Variants in AGBL4 observed in about 807,000 individuals in gnomAD.
The protein encoded by AGBL4 is cytosolic carboxypeptidase 6.
Under a neutral mutation model 66.4 loss-of-function variants are expected in AGBL4, and 58 were observed. The observed-to-expected ratio is 0.87, with a 90% CI of 0.71 to 1.09. AGBL4 has a LOEUF of 1.09. Among genes scored for constraint, AGBL4 ranks in the 50% least tolerant of loss-of-function variants. AGBL4 has a pLI of 0.00. For missense variants in AGBL4, 579 were observed against 631.0 expected, an observed-to-expected ratio of 0.92 and a Z score of 0.88; for synonymous variants, 234 against 222.9, an observed-to-expected ratio of 1.05 and a Z score of -0.44.
In AGBL4 at chr1:48,762,612, TTTTGTGTGTG is replaced by T. The variant is rs1218013544; in HGVS notation, c.635-99381_635-99372del. On this transcript the variant is annotated intron_variant, in intron 6 of 13. Transcript: ENST00000371839. Reference sequence around the variant, plus strand: ...GTTAGTTAAATCCAGTCTTTAAGGGTTTTGTGTGTGTGTGTGTGTGTGTGTGTGTGTGTGT... The same window carrying T: ...GTTAGTTAAATCCAGTCTTTAAGGGTTGTGTGTGTGTGTGTGTGTGTGTGT... 7.3e-3 allele frequency among the ~76,000 whole-genome samples: 934 copies of T among 127,982 alleles called. 16 individuals carry two copies. The highest frequency in any genetic ancestry group is 0.028 in the South Asian group (116 of 4,170). The allele number at this position is 127,982 out of a possible 152,430, so 84.0% of individuals were successfully genotyped here.
In AGBL4 at chr1:48,666,499, G is replaced by A. The variant is rs140930995; in HGVS notation, c.635-3258C>T. Among the ~76,000 whole-genome samples the A allele has an allele frequency of 2.5e-3, 377 of 152,314 alleles. 3 individuals carry two copies. The highest frequency in any genetic ancestry group is 0.01 in the Middle Eastern group (3 of 294). On this transcript the variant is annotated intron_variant, in intron 6 of 13. Transcript: ENST00000371839. ...AAACAGCAGGTGTTTGAAGTAACGT[G>A]CTTTGTGTGGCATCCTTAGCATGCA...
intron 1 of AGBL4, among the ~76,000 whole-genome samples, chr1:49,884,799 A>C (rs1270813998): frequency 1.3e-5 from 2 of 151,920 alleles, no homozygotes; most frequent in Admixed American, 1.3e-4. Context: ...ATGAATAATG[A>C]ATATTTAGCA....
At chr1:49,533,705 C>T (rs1019467869) in intron 3 of AGBL4, among the ~76,000 whole-genome samples, 4 of 152,132 alleles carry the variant, frequency 2.6e-5, no homozygotes, top group Non-Finnish European at 4.4e-5. Context: ...CTTGCTGACA[C>T]ATAATTCAGA....
At chr1:49,465,261 A>T (rs970523810) in intron 3 of AGBL4, among the ~76,000 whole-genome samples, 1 of 144,686 alleles carries the variant, frequency 6.9e-6, no homozygotes, top group Non-Finnish European at 1.5e-5. Context: ...ACACACACAC[A>T]CGCAGACATG....
chr1:49,998,541 T>C (rs6656051), intron 1 of AGBL4, among the ~76,000 whole-genome samples: 1,925 of 152,224 alleles, frequency 0.013, 40 homozygotes, highest in African/African-American at 0.045. Flanking sequence ...CTATTAACAC[T>C]TTTCCAAAAG....
intron 2 of AGBL4, among the ~76,000 whole-genome samples, chr1:49,829,366 T>C (rs985703142): frequency 6.6e-6 from 1 of 152,164 alleles, no homozygotes; most frequent in Admixed American, 6.5e-5. Flanking sequence ...GAAGATGTTG[T>C]AATCACAGCT....
At chr1:49,896,130 A>C (rs750656849) in intron 1 of AGBL4, among the ~76,000 whole-genome samples, 3 of 152,092 alleles carry the variant, frequency 2.0e-5, no homozygotes, top group Non-Finnish European at 4.4e-5. Flanking sequence ...CTGTAAGACA[A>C]GACAAAGAAA....
At chr1:48,670,028 G>A (rs1646252068) in intron 6 of AGBL4, among the ~76,000 whole-genome samples, 1 of 152,120 alleles carries the variant, frequency 6.6e-6, no homozygotes, top group Non-Finnish European at 1.5e-5. Context: ...TGGAAGAAGA[G>A]AACAGGAATT....
intron 3 of AGBL4, among the ~76,000 whole-genome samples, chr1:49,522,576 T>TAG (rs1269991102): frequency 1.3e-5 from 2 of 152,162 alleles, no homozygotes; most frequent in Admixed American, 1.3e-4. Flanking sequence ...TGCCTTATGA[T>TAG]AGATTCTCAA....
At chr1:49,396,450 T>A (rs1644977231) in intron 3 of AGBL4, among the ~76,000 whole-genome samples, 1 of 152,170 alleles carries the variant, frequency 6.6e-6, no homozygotes, top group African/African-American at 2.4e-5. Flanking sequence ...AGTGAAATAA[T>A]CTGATGTCAC....
rs1258361459 is a variant in AGBL4, at chr1:48,954,320, A to G, written c.595-87090T>C. Among the ~76,000 whole-genome samples the G allele has an allele frequency of 2.6e-5, 4 of 152,356 alleles. No homozygotes were observed. The South Asian group carries it at 8.3e-4, about 32-fold the overall frequency. ...GAAAGCCATTTTGATGCTCTAATTT[A>G]TAGGTGAAATATATACAAGGCACTT... On this transcript the variant is annotated intron_variant, in intron 5 of 13. Transcript: ENST00000371839.
Position 48,945,230 on chromosome 1 carries a change from C to A in AGBL4, c.595-78000G>T, listed in dbSNP as rs562436781. 5.3e-5 allele frequency among the ~76,000 whole-genome samples: 8 copies of A among 152,292 alleles called. No homozygotes were observed. In the South Asian group the frequency reaches 1.7e-3, roughly 32 times the overall value. On this transcript the variant is annotated intron_variant, in intron 5 of 13. Coordinates refer to ENST00000371839, the MANE Select transcript of AGBL4 (RefSeq NM_032785.4). The stretch of plus-strand genomic sequence containing the variant: ...TAATCAGGGATTCCATCCATATACA[C>A]ATCATATTTTCCTTGCAATGTCCTT...
At chr1:49,432,037 A>T (rs779743169) in intron 3 of AGBL4, among the ~76,000 whole-genome samples, 12 of 152,118 alleles carry the variant, frequency 7.9e-5, no homozygotes, top group Non-Finnish European at 1.0e-4. Context: ...ATAATGAAGG[A>T]ATTTTTTATA....
chr1:49,269,897 AC>A (rs892079185), intron 3 of AGBL4, among the ~76,000 whole-genome samples: 32 of 152,166 alleles, frequency 2.1e-4, no homozygotes, highest in African/African-American at 7.0e-4. Context: ...TTTAATCCCT[AC>A]AATTTTGGCA....
chr1:49,634,273 C>T (rs948526754), intron 3 of AGBL4, among the ~76,000 whole-genome samples: 5 of 152,118 alleles, frequency 3.3e-5, no homozygotes, highest in Admixed American at 2.6e-4. Context: ...TCCATGTGTT[C>T]TCACTGTTCA....
At chr1:48,993,466 G>C (rs1206773627) in intron 5 of AGBL4, among the ~76,000 whole-genome samples, 4 of 152,172 alleles carry the variant, frequency 2.6e-5, no homozygotes, top group African/African-American at 9.7e-5. Context: ...TGAGCTGTGA[G>C]CTGTGAGCTG....
At chr1:48,816,304 T>G (rs930373406) in intron 6 of AGBL4, among the ~76,000 whole-genome samples, 1 of 152,152 alleles carries the variant, frequency 6.6e-6, no homozygotes, top group Admixed American at 6.6e-5. Flanking sequence ...GCTTTTTGGA[T>G]GGGCAGATAC....
chr1:49,948,562 A>T lies in AGBL4; in HGVS notation c.34+75201T>A, dbSNP rs537532467. Among the ~76,000 whole-genome samples the T allele has an allele frequency of 1.7e-3, 177 of 103,226 alleles. 5 individuals carry two copies. The South Asian group carries it at 0.04, about 24-fold the overall frequency. 67.7% of individuals were successfully genotyped at this position (103,226 alleles called of 152,430 possible). On this transcript the variant is annotated intron_variant, in intron 1 of 13. Coordinates refer to ENST00000371839, the MANE Select transcript of AGBL4 (RefSeq NM_032785.4). ...ATATATAAATATATATAAATATATA[A>T]AAATATATATATATATATATAGAGA...
chr1:49,385,121 G>A (rs1248679882), intron 3 of AGBL4, among the ~76,000 whole-genome samples: 1 of 152,082 alleles, frequency 6.6e-6, no homozygotes, highest in East Asian at 1.9e-4. Context: ...TCTAGAAATA[G>A]AAAATATATT....
Sources: gnomAD v4.1 joint callset for allele counts (sites outside exome capture counted in the v4.1 genomes callset) on GRCh38, gnomAD v4.1.1 for gene constraint, MANE v1.5 for transcripts, NCBI Gene and HGNC (gene_info 2026-07-23, HGNC 2026-07-21) for gene names.